ASB18: variants seen among roughly 807,000 people sequenced by gnomAD.
ASB18 encodes the protein ankyrin repeat and SOCS box containing 18.
In ASB18, 33 loss-of-function variants were observed where a neutral mutation model predicts 33.4. The ratio of observed to expected loss-of-function variants is 0.99; its 90% CI spans 0.75 to 1.32. The LOEUF (loss-of-function observed/expected upper bound fraction) is 1.32. Ranked by LOEUF, ASB18 falls within the 40% of genes most tolerant of loss-of-function variation. The pLI is 0.00. For synonymous variants in ASB18, 295 were observed against 307.6 expected, an observed-to-expected ratio of 0.96 and a Z score of 0.43; for missense variants, 694 against 655.5, an observed-to-expected ratio of 1.06 and a Z score of -0.64.
At position 236,257,637 on chromosome 2, in the gene ASB18, A is replaced by C. The variant is rs534179318; in HGVS notation, c.205+6504T>G. 2.6e-5 allele frequency among the ~76,000 whole-genome samples: 4 copies of C among 152,270 alleles called. No individual in the cohort carries two copies. Among genetic ancestry groups the C allele is most frequent in the African/African-American group, 9.6e-5 (4 of 41,564 alleles). Reference sequence around the variant, plus strand: ...GAAGTTTTTTCAGGGACGTTCCTGCAAAATGTCTCTGGGTGGGTAGGCAGC... The same window carrying C: ...GAAGTTTTTTCAGGGACGTTCCTGCCAAATGTCTCTGGGTGGGTAGGCAGC... On this transcript the variant is annotated intron_variant, in intron 1 of 5. Transcript: ENST00000409749. This position sits in a 1 kb window ranked among gnomAD's most constrained non-coding sequence, Gnocchi z 5.5.
At position 236,237,371 on chromosome 2, in the gene ASB18, G is replaced by GAGGT. The variant is rs1559335060; in HGVS notation, c.596+317_596+318insACCT. ...GGCCGGGGCGCGGGGCGGGGGCCGG[G>GAGGT]GCCGGGGCGCGGGGCGGGGGCCGGG... On this transcript the variant is annotated intron_variant, in intron 3 of 5. Coordinates refer to ENST00000409749, the MANE Select transcript of ASB18 (RefSeq NM_212556.4). This position sits in a 1 kb window ranked among gnomAD's most constrained non-coding sequence, Gnocchi z 6.2. 1.3e-4 allele frequency among the ~76,000 whole-genome samples: 9 copies of GAGGT among 66,694 alleles called. No individual in the cohort carries two copies. The highest frequency in any genetic ancestry group is 1.0e-3 in the African/African-American group (9 of 8,728). 43.8% of individuals were successfully genotyped at this position (66,694 alleles called of 152,430 possible). A position where few individuals can be genotyped will look rare whatever the true frequency, so the allele number is the denominator to read the frequency against.
At chr2:236,240,684 G>A (rs1011456998) in intron 2 of ASB18, among the ~76,000 whole-genome samples, 3 of 152,292 alleles carry the variant, frequency 2.0e-5, no homozygotes, top group South Asian at 2.1e-4. Context: ...CTGCTTGTCC[G>A]CCCAGCGCAC....
At position 236,200,584 on chromosome 2, in the gene ASB18, A is replaced by G. The variant is rs998090241; in HGVS notation, c.1102-4199T>C. Among the ~76,000 whole-genome samples the G allele has an allele frequency of 5.9e-5, 9 of 152,164 alleles. No individual in the cohort carries two copies. Among genetic ancestry groups the G allele is most frequent in the Non-Finnish European group, 1.2e-4 (8 of 68,026 alleles). ...CTAGCCTGAGGCAAAGAGCCAGCCC[A>G]GAGAATGCATGTTCTGCCCTCACTC... On this transcript the variant is annotated intron_variant, in intron 4 of 5. Coordinates refer to ENST00000409749, the MANE Select transcript of ASB18 (RefSeq NM_212556.4). This position sits in a 1 kb window ranked among gnomAD's most constrained non-coding sequence, Gnocchi z 4.2.
At position 236,214,665 on chromosome 2, in the gene ASB18, G is replaced by T; in HGVS notation, c.798C>A (p.Pro266=). 1 of 1,146,032 alleles carries T rather than the reference G, an allele frequency of 8.7e-7. No homozygotes were observed. The highest frequency in any genetic ancestry group is 1.1e-6 in the Non-Finnish European group (1 of 934,544). 71.0% of individuals were successfully genotyped at this position (1,146,032 alleles called of 1,614,324 possible). The change falls in exon 4 of 6, where the codon CCC becomes CCA. Residue 266 remains proline, a synonymous_variant. Transcript: ENST00000409749. The surrounding 1 kb of genome is among the most constrained non-coding windows in gnomAD (Gnocchi z 6.5). The stretch of plus-strand genomic sequence containing the variant: ...GGCGCAGGCAGCGCCCGTGCTCGTC[G>T]GGCCTCCGCGCCGCACCGCAGGCCG... ...LSAACGAARR[P]DEHGRCLRLC... is the part of the protein sequence containing the mutation.
chr2:236,263,920 G>T lies in ASB18; in HGVS notation c.205+221C>A, dbSNP rs557900050. On this transcript the variant is annotated intron_variant, in intron 1 of 5. Transcript: ENST00000409749. The surrounding 1 kb of genome is among the most constrained non-coding windows in gnomAD (Gnocchi z 4.0). ...AGCCACAGAGCAGCCACTGTGGTAG[G>T]ATTAGTTTTTTTGTGTTGTGTTGCA... 6.6e-6 allele frequency among the ~76,000 whole-genome samples: 1 copy of T among 152,312 alleles called. No individual in the cohort carries two copies. The highest frequency in any genetic ancestry group is 1.5e-5 in the Non-Finnish European group (1 of 68,022).
rs983202198 is a variant in ASB18 at position 236,239,246 on chromosome 2, C to T, written c.329-1290G>A. Reference sequence around the variant, plus strand: ...TTGTTTTTCTGAGAGATGAAAACTACTTACTGCCTTCTCTGGGAAATGCTA... The same window carrying T: ...TTGTTTTTCTGAGAGATGAAAACTATTTACTGCCTTCTCTGGGAAATGCTA... On this transcript the variant is annotated intron_variant, in intron 2 of 5. Transcript: ENST00000409749. This position sits in a 1 kb window ranked among gnomAD's most constrained non-coding sequence, Gnocchi z 5.6. Among the ~76,000 whole-genome samples the T allele has an allele frequency of 4.6e-5, 7 of 152,328 alleles. No homozygotes were observed. Among genetic ancestry groups the T allele is most frequent in the Non-Finnish European group, 1.0e-4 (7 of 68,034 alleles).
chr2:236,227,512 A>G (rs1030445607), intron 3 of ASB18, among the ~76,000 whole-genome samples: 1 of 152,230 alleles, frequency 6.6e-6, no homozygotes, highest in Non-Finnish European at 1.5e-5. Flanking sequence ...CTATTTTACA[A>G]GTGAGAACAC....
Position 236,219,428 on chromosome 2 carries a change from A to G in ASB18, c.597-4562T>C, listed in dbSNP as rs576995286. Among the ~76,000 whole-genome samples, 8 of 152,238 alleles carry G rather than the reference A, an allele frequency of 5.3e-5. No individual in the cohort carries two copies. The highest frequency in any genetic ancestry group is 1.9e-4 in the African/African-American group (8 of 41,548). On this transcript the variant is annotated intron_variant, in intron 3 of 5. Coordinates refer to ENST00000409749, the MANE Select transcript of ASB18 (RefSeq NM_212556.4). The surrounding 1 kb of genome is among the most constrained non-coding windows in gnomAD (Gnocchi z 6.4). ...CAGAATACGCTTGAAATTTCCATCA[A>G]TCTGTTTAGGTATAAGCAGCATTTT...
At position 236,198,025 on chromosome 2, in the gene ASB18, G is replaced by A. The variant is rs145796905; in HGVS notation, c.1102-1640C>T. Among the ~76,000 whole-genome samples the A allele has an allele frequency of 3.6e-4, 55 of 152,210 alleles. 2 individuals are homozygous for A. In the East Asian group the frequency reaches 9.7e-3, roughly 27 times the overall value. ...TGCAGCAATGACCTGAACCACTACC[G>A]GGGCCTGCCCTGCGTCATGTCTACT... On this transcript the variant is annotated intron_variant, in intron 4 of 5. Transcript: ENST00000409749.
chr2:236,214,954 G>T lies in ASB18; in HGVS notation c.597-88C>A. The T allele has an allele frequency of 9.5e-7, 1 of 1,049,860 alleles. No individual in the cohort carries two copies. Among genetic ancestry groups the T allele is most frequent in the Non-Finnish European group, 1.2e-6 (1 of 843,342 alleles). The allele number at this position is 1,049,860 out of a possible 1,614,324, so 65.0% of individuals were successfully genotyped here. Reference sequence around the variant, plus strand: ...GGCCTGCTGCTGCAAAATATCAAGTGACCTCTGAATGAAAAGACATGCTCC... The same window carrying T: ...GGCCTGCTGCTGCAAAATATCAAGTTACCTCTGAATGAAAAGACATGCTCC... On this transcript the variant is annotated intron_variant, in intron 3 of 5. Coordinates refer to ENST00000409749, the MANE Select transcript of ASB18 (RefSeq NM_212556.4). The surrounding 1 kb of genome is among the most constrained non-coding windows in gnomAD (Gnocchi z 6.5).
rs1266435360 is a variant in ASB18 at position 236,216,404 on chromosome 2, C to G, written c.597-1538G>C. Reference sequence around the variant, plus strand: ...CATCTGTTTCAACACTGATTAGAATCTGTTTTGACAACAGCTGTTGCCTCC... The same window carrying G: ...CATCTGTTTCAACACTGATTAGAATGTGTTTTGACAACAGCTGTTGCCTCC... On this transcript the variant is annotated intron_variant, in intron 3 of 5. Coordinates refer to ENST00000409749, the MANE Select transcript of ASB18 (RefSeq NM_212556.4). This position sits in a 1 kb window ranked among gnomAD's most constrained non-coding sequence, Gnocchi z 6.1. 6.6e-6 allele frequency among the ~76,000 whole-genome samples: 1 copy of G among 152,232 alleles called. No homozygotes were observed. The highest frequency in any genetic ancestry group is 2.4e-5 in the African/African-American group (1 of 41,454).
In ASB18 at chr2:236,205,671, A is replaced by G. The variant is rs910333394; in HGVS notation, c.1101+8691T>C. Among the ~76,000 whole-genome samples the G allele has an allele frequency of 2.0e-5, 3 of 152,176 alleles. No homozygotes were observed. Among genetic ancestry groups the G allele is most frequent in the African/African-American group, 4.8e-5 (2 of 41,422 alleles). ...ACTGGTGCTCAGCAAATACTTTTTG[A>G]TAAATAATTGAAGTATTTTTTCTTT... On this transcript the variant is annotated intron_variant, in intron 4 of 5. Coordinates refer to ENST00000409749, the MANE Select transcript of ASB18 (RefSeq NM_212556.4). This position sits in a 1 kb window ranked among gnomAD's most constrained non-coding sequence, Gnocchi z 5.4.
At chr2:236,224,719 C>T (rs560128621) in intron 3 of ASB18, among the ~76,000 whole-genome samples, 235 of 152,332 alleles carry the variant, frequency 1.5e-3, no homozygotes, top group Admixed American at 5.0e-3. Context: ...CCATGCCTTG[C>T]AGGCCTGAGA....
rs1329294008 is a variant in ASB18 at position 236,260,159 on chromosome 2, T to C, written c.205+3982A>G. ...CTTTTCTTTTTCTTATTTTTTCACA[T>C]TGTCATCTTTAGAATAAAACTCAGA... On this transcript the variant is annotated intron_variant, in intron 1 of 5. Coordinates refer to ENST00000409749, the MANE Select transcript of ASB18 (RefSeq NM_212556.4). The surrounding 1 kb of genome is among the most constrained non-coding windows in gnomAD (Gnocchi z 5.1). Among the ~76,000 whole-genome samples the C allele has an allele frequency of 1.3e-5, 2 of 152,214 alleles. No homozygotes were observed. The highest frequency in any genetic ancestry group is 4.8e-5 in the African/African-American group (2 of 41,458).
Position 236,193,931 on chromosome 2 carries a change from G to A in ASB18, c.*941C>T, listed in dbSNP as rs2060359138. On this transcript the variant is annotated 3_prime_UTR_variant, in exon 6 of 6. Transcript: ENST00000409749. This position sits in a 1 kb window ranked among gnomAD's most constrained non-coding sequence, Gnocchi z 5.0. The stretch of plus-strand genomic sequence containing the variant: ...TGAATTGTCCCAGTGTTGTGTGTGG[G>A]TGGGTGGGTGTGGGGGTGTGTGAGC... 6.6e-6 allele frequency among the ~76,000 whole-genome samples: 1 copy of A among 152,114 alleles called. No homozygotes were observed. The highest frequency in any genetic ancestry group is 2.4e-5 in the African/African-American group (1 of 41,410).
rs1004724263 is a variant in ASB18 at position 236,203,117 on chromosome 2, C to T, written c.1102-6732G>A. 4.6e-5 allele frequency among the ~76,000 whole-genome samples: 7 copies of T among 152,042 alleles called. No individual in the cohort carries two copies. The highest frequency in any genetic ancestry group is 1.0e-4 in the Non-Finnish European group (7 of 68,038). On this transcript the variant is annotated intron_variant, in intron 4 of 5. Transcript: ENST00000409749. The surrounding 1 kb of genome is among the most constrained non-coding windows in gnomAD (Gnocchi z 6.0). ...AGCCATCCCTTCTGTAGGTATTTGC[C>T]GAGCTCCTACTAGAAAGCAGGGATT...
At position 236,195,935 on chromosome 2, in the gene ASB18, G is replaced by A. The variant is rs946313970; in HGVS notation, c.1215+337C>T. 8.1e-5 allele frequency: 29 copies of A among 357,472 alleles called. No homozygotes were observed. The highest frequency in any genetic ancestry group is 1.7e-4 in the South Asian group (7 of 40,168). 22.1% of individuals were successfully genotyped at this position (357,472 alleles called of 1,614,324 possible). A position where few individuals can be genotyped will look rare whatever the true frequency, so the allele number is the denominator to read the frequency against. On this transcript the variant is annotated intron_variant, in intron 5 of 5. Transcript: ENST00000409749. This position sits in a 1 kb window ranked among gnomAD's most constrained non-coding sequence, Gnocchi z 5.5. ...GAGCATGAAGCTGACTCACAGGGCC[G>A]GATTAGTATGTCCTGACGTGGAGCT...
intron 1 of ASB18, among the ~76,000 whole-genome samples, chr2:236,242,231 G>A (rs934281344): frequency 4.6e-5 from 7 of 152,094 alleles, no homozygotes; most frequent in African/African-American, 1.7e-4. Flanking sequence ...TGTCCCCCAC[G>A]CCACTCTGCT....
At position 236,255,335 on chromosome 2, in the gene ASB18, G is replaced by GAT. The variant is rs1413722001; in HGVS notation, c.205+8805_205+8806insAT. ...ATTTATATATTTTTTGTAGAGACGG[G>GAT]GTTTCACCATGTTGGCCAGACTGGT... On this transcript the variant is annotated intron_variant, in intron 1 of 5. Coordinates refer to ENST00000409749, the MANE Select transcript of ASB18 (RefSeq NM_212556.4). The surrounding 1 kb of genome is among the most constrained non-coding windows in gnomAD (Gnocchi z 4.4). 2.6e-5 allele frequency among the ~76,000 whole-genome samples: 4 copies of GAT among 151,992 alleles called. No individual in the cohort carries two copies. The highest frequency in any genetic ancestry group is 9.7e-5 in the African/African-American group (4 of 41,370).
Sources: allele counts gnomAD v4.1 joint callset (sites outside exome capture counted in the v4.1 genomes callset), GRCh38; gene constraint gnomAD v4.1.1; non-coding constraint Gnocchi (gnomAD v3.1); transcripts MANE v1.5; gene names NCBI Gene and HGNC (gene_info 2026-07-23, HGNC 2026-07-21).